The following OXR1 variants were observed in gnomAD, a reference collection of about 807,000 sequenced individuals.
OXR1 encodes the protein oxidation resistance protein 1.
In OXR1, 41 loss-of-function variants were observed where a neutral mutation model predicts 104.6. The observed-to-expected ratio is 0.39, with a 90% CI of 0.31 to 0.51. OXR1 has a LOEUF of 0.51. Ranked by LOEUF, OXR1 falls within the 20% of genes least tolerant of loss-of-function variation. The pLI, the probability that OXR1 is intolerant of heterozygous loss-of-function variation, is 0.77. For missense variants in OXR1, 955 were observed against 1,031.9 expected, an observed-to-expected ratio of 0.93 and a Z score of 1.02; for synonymous variants, 348 against 348.4, an observed-to-expected ratio of 1.00 and a Z score of 0.01.
intron 1 of OXR1, among the ~76,000 whole-genome samples, chr8:106,310,561 C>CATATG (rs1813658694): frequency 6.6e-6 from 1 of 152,150 alleles, no homozygotes; most frequent in Admixed American, 6.6e-5. Flanking sequence ...TTTAGTCAGG[C>CATATG]ATATCCTCTT....
At position 106,411,501 on chromosome 8, in the gene OXR1, G is replaced by A. The variant is rs567096229; in HGVS notation, c.23+51865G>A. Among the ~76,000 whole-genome samples, 13 of 152,298 alleles carry A rather than the reference G, an allele frequency of 8.5e-5. 1 individual carries two copies. In the Middle Eastern group the frequency reaches 0.02, roughly 239 times the overall value. On this transcript the variant is annotated intron_variant, in intron 2 of 16. Coordinates refer to ENST00000517566, the MANE Select transcript of OXR1 (RefSeq NM_001198533.2). ...GCCTCTGGTATCGTGGAGGAGACAA[G>A]TAAAAGATGCCTTTTCTCTCATGTG...
At position 106,279,657 on chromosome 8, in the gene OXR1, C is replaced by T. The variant is rs115338941; in HGVS notation, c.-139+9290C>T. Among the ~76,000 whole-genome samples the T allele has an allele frequency of 9.9e-3, 1,506 of 152,220 alleles. 15 individuals carry two copies. Among genetic ancestry groups the T allele is most frequent in the African/African-American group, 0.033 (1,366 of 41,546 alleles). ...AGCTCTGAACTAATCATTTAGATTA[C>T]TTTGTGGAAGGGAATGGAGTAAGGC... On this transcript the variant is annotated intron_variant, in intron 1 of 16. Transcript: ENST00000517566.
chr8:106,583,327 T>G (rs918957843), intron 3 of OXR1, among the ~76,000 whole-genome samples: 1 of 152,202 alleles, frequency 6.6e-6, no homozygotes, highest in Non-Finnish European at 1.5e-5. Context: ...ACAAACACTT[T>G]AAATGCCTGA....
intron 11 of OXR1, among the ~76,000 whole-genome samples, chr8:106,734,901 T>C (rs1432465714): frequency 6.6e-6 from 1 of 152,176 alleles, no homozygotes; most frequent in African/African-American, 2.4e-5. Context: ...AGAAACGATT[T>C]TTTAGCCAGT....
chr8:106,348,912 G>A (rs1815608525), intron 1 of OXR1, among the ~76,000 whole-genome samples: 1 of 152,158 alleles, frequency 6.6e-6, no homozygotes, highest in Non-Finnish European at 1.5e-5. Context: ...TGTAGGAATA[G>A]TCATCAGAGG....
chr8:106,658,039 C>T (rs2131064158), intron 3 of OXR1: 2 of 1,248,568 alleles, frequency 1.6e-6, no homozygotes, highest in Admixed American at 8.4e-5. Flanking sequence ...CTGCGGGGCA[C>T]GGCCAACCGC....
rs535427436 is a variant in OXR1 at position 106,535,273 on chromosome 8, C to T, written c.220+16134C>T. 9.9e-5 allele frequency among the ~76,000 whole-genome samples: 15 copies of T among 152,252 alleles called. No homozygotes were observed. The South Asian group carries it at 2.9e-3, about 29-fold the overall frequency. On this transcript the variant is annotated intron_variant, in intron 3 of 16. Coordinates refer to ENST00000517566, the MANE Select transcript of OXR1 (RefSeq NM_001198533.2). ...GGCTGGCTCCCCCTTCCCCAGTCTC[C>T]AAGGCGATGCAATGAAGGTAGATGT... is the stretch of plus-strand genomic sequence containing the variant.
chr8:106,568,356 T>G (rs1293083162), intron 3 of OXR1, among the ~76,000 whole-genome samples: 1 of 152,178 alleles, frequency 6.6e-6, no homozygotes, highest in Non-Finnish European at 1.5e-5. Context: ...ATAAGCTGTA[T>G]TTCTTTTCTT....
chr8:106,631,593 T>G (rs987446830), intron 3 of OXR1, among the ~76,000 whole-genome samples: 14 of 152,310 alleles, frequency 9.2e-5, no homozygotes, highest in African/African-American at 3.4e-4. Flanking sequence ...GGTAAAATAT[T>G]TTATGGTGTA....
chr8:106,424,882 G>A (rs979233728), intron 2 of OXR1, among the ~76,000 whole-genome samples: 1 of 151,500 alleles, frequency 6.6e-6, no homozygotes, highest in Non-Finnish European at 1.5e-5. Context: ...ATGCATTTTT[G>A]TATTCACATT....
At chr8:106,452,826 TA>T (rs1211071764) in intron 2 of OXR1, among the ~76,000 whole-genome samples, 4 of 149,826 alleles carry the variant, frequency 2.7e-5, no homozygotes, top group Admixed American at 2.0e-4. Context: ...AGGGCCTTTT[TA>T]AAAAACATAA....
At chr8:106,626,221 T>G (rs1051869260) in intron 3 of OXR1, among the ~76,000 whole-genome samples, 1 of 152,008 alleles carries the variant, frequency 6.6e-6, no homozygotes, top group Admixed American at 6.6e-5. Context: ...TAAAAAAAAT[T>G]TTTAAAAAGA....
At chr8:106,723,979 T>C (rs1325916425) in intron 11 of OXR1, among the ~76,000 whole-genome samples, 5 of 151,102 alleles carry the variant, frequency 3.3e-5, no homozygotes, top group Non-Finnish European at 7.4e-5. Context: ...AGAGATAGAG[T>C]CTTGCTGTGT....
intron 2 of OXR1, among the ~76,000 whole-genome samples, chr8:106,381,291 G>A (rs2130409703): frequency 6.6e-6 from 1 of 152,294 alleles, no homozygotes; most frequent in Admixed American, 6.5e-5. Context: ...GAATGGAAAT[G>A]AAGATGGAGA....
chr8:106,658,417 TC>T (rs200585086), intron 3 of OXR1, among the ~76,000 whole-genome samples: 2,816 of 152,320 alleles, frequency 0.018, 47 homozygotes, highest in Non-Finnish European at 0.029. Context: ...GCTCTGCTCT[TC>T]CTGCTTTCCT....
intron 2 of OXR1, among the ~76,000 whole-genome samples, chr8:106,399,056 A>G (rs1256432791): frequency 5.9e-5 from 9 of 152,130 alleles, no homozygotes; most frequent in Admixed American, 3.3e-4. Context: ...TGTACTTTCC[A>G]TAATGATTTT....
chr8:106,577,104 A>G (rs1817893305), intron 3 of OXR1, among the ~76,000 whole-genome samples: 1 of 152,170 alleles, frequency 6.6e-6, no homozygotes, highest in African/African-American at 2.4e-5. Flanking sequence ...GAACAATTAA[A>G]CTACAGTATT....
intron 2 of OXR1, among the ~76,000 whole-genome samples, chr8:106,411,396 C>T (rs1818450331): frequency 6.6e-6 from 1 of 152,118 alleles, no homozygotes; most frequent in Admixed American, 6.6e-5. Context: ...ACAAATGGCA[C>T]ATAATGTGCA....
intron 2 of OXR1, among the ~76,000 whole-genome samples, chr8:106,447,669 C>T (rs1254777179): frequency 6.6e-6 from 1 of 152,204 alleles, no homozygotes. Context: ...ATAATGGGCA[C>T]TATCTCTAAA....
Sources: gnomAD v4.1 joint callset for allele counts (sites outside exome capture counted in the v4.1 genomes callset) on GRCh38, gnomAD v4.1.1 for gene constraint, MANE v1.5 for transcripts, NCBI Gene and HGNC (gene_info 2026-07-23, HGNC 2026-07-21) for gene names.